The following DNAH3 variants were observed in gnomAD, a reference collection of about 807,000 sequenced individuals.
DNAH3 encodes the protein dynein axonemal heavy chain 3, also known as axonemal beta dynein heavy chain 3.
DNAH3 carries 332 observed loss-of-function variants against 432.5 expected under a neutral mutation model. The observed-to-expected ratio is 0.77, with a 90% CI of 0.70 to 0.84. DNAH3 has a LOEUF of 0.84. Among genes scored for constraint, DNAH3 ranks in the 40% least tolerant of loss-of-function variants. The pLI, the probability that DNAH3 is intolerant of heterozygous loss-of-function variation, is 0.00. For synonymous variants in DNAH3, 1,956 were observed against 1,900.2 expected (o/e 1.03, Z -0.76); for missense variants, 4,861 against 5,114.0 (o/e 0.95, Z 1.51).
intron 6 of DNAH3, among the ~76,000 whole-genome samples, chr16:21,135,989 G>A (rs556526105): frequency 3.7e-4 from 56 of 152,112 alleles, no homozygotes; most frequent in Admixed American, 6.5e-4. Flanking sequence ...AGGGATGCAC[G>A]TGAATATGTG....
chr16:20,938,394 T>TAA (rs5816142), intron 59 of DNAH3, among the ~76,000 whole-genome samples: 42 of 143,332 alleles, frequency 2.9e-4, no homozygotes, highest in Non-Finnish European at 4.4e-4. Flanking sequence ...CTGTCTCAAT[T>TAA]AAAAAAAAAA....
chr16:20,978,935 T>A (rs1184250920), intron 50 of DNAH3, among the ~76,000 whole-genome samples: 1 of 151,924 alleles, frequency 6.6e-6, no homozygotes, highest in African/African-American at 2.4e-5. Flanking sequence ...GAGATAAATT[T>A]GGGCCCAGAT....
chr16:21,117,273 C>T, exon 12 of DNAH3: 2 of 1,611,558 alleles, frequency 1.2e-6, no homozygotes, highest in Non-Finnish European at 1.7e-6. Flanking sequence ...ACAAGTTTTT[C>T]TTCTGCGTTA....
At chr16:20,987,958 C>G in exon 45 of DNAH3, 1 of 1,614,188 alleles carries the variant, frequency 6.2e-7, no homozygotes, top group East Asian at 2.2e-5. Flanking sequence ...AACATCACAT[C>G]AAACCCTTTC....
At chr16:21,104,723 G>T (rs2091909850) in intron 15 of DNAH3, 129 bp from the exon 16 acceptor site, 16 of 604,488 alleles carry the variant, frequency 2.6e-5, no homozygotes, top group Middle Eastern at 3.0e-4. Flanking sequence ...ACATGGATGA[G>T]TGACAGTGAC....
At chr16:21,155,825 C>T (rs947015505) in intron 1 of DNAH3, among the ~76,000 whole-genome samples, 4 of 152,008 alleles carry the variant, frequency 2.6e-5, no homozygotes, top group South Asian at 2.1e-4. Context: ...CTCTTGTTAT[C>T]AAGAGTTTAG....
At chr16:20,966,416 G>A (rs1360445561) in intron 52 of DNAH3, among the ~76,000 whole-genome samples, 1 of 152,070 alleles carries the variant, frequency 6.6e-6, no homozygotes, top group Admixed American at 6.6e-5. Context: ...CGTTTTAAAA[G>A]CCATTGCCAT....
rs574123353 is a variant in DNAH3, at chr16:20,979,455, G to T, written c.7951C>A (p.Pro2651Thr). ...AGAATCAATTCAAGGTAGGAGGTGG[G>T]GGTAACATAGTTGTGTCTTCGAAGT... The change falls in exon 50 of 62, where the codon CCC (proline) becomes ACC (threonine). Residue 2651 changes from proline to threonine, a missense_variant. Physicochemically the swap from Pro to Thr is conservative, Grantham distance 38. Transcript: ENST00000261383. 3.5e-4 allele frequency: 558 copies of T among 1,614,092 alleles called. 6 individuals are homozygous for T. In the South Asian group the frequency reaches 5.9e-3, roughly 17 times the overall value.
intron 49 of DNAH3, among the ~76,000 whole-genome samples, chr16:20,980,228 AT>A (rs1408803990): frequency 1.9e-5 from 2 of 103,112 alleles, no homozygotes; most frequent in African/African-American, 3.1e-5. Flanking sequence ...TATATTATTT[AT>A]TTATATTATA....
intron 41 of DNAH3, among the ~76,000 whole-genome samples, chr16:21,013,736 A>G (rs975837063): frequency 6.6e-6 from 1 of 151,416 alleles, no homozygotes. Flanking sequence ...AAAAAAAAAA[A>G]AAAACTAAAA....
At chr16:20,955,428 G>A (rs377528754) in intron 54 of DNAH3, among the ~76,000 whole-genome samples, 11 of 151,640 alleles carry the variant, frequency 7.3e-5, no homozygotes, top group African/African-American at 2.2e-4. Flanking sequence ...GAACCAAGAT[G>A]TGAACTCAGG....
Position 20,963,771 on chromosome 16 carries a change from T to C in DNAH3, c.10113A>G (p.Leu3371=), listed in dbSNP as rs772055579. The C allele has an allele frequency of 3.1e-6, 5 of 1,613,274 alleles. No individual in the cohort carries two copies. The South Asian group carries it at 4.4e-5, about 14-fold the overall frequency. Residue 3371 remains leucine, a synonymous_variant, in exon 53 of 62, where the codon CTA becomes CTG. Transcript: ENST00000261383. Reference sequence around the variant, plus strand: ...CGATGGTCAGGAGGAGAGAGAAGAGTAGCTTGTCCTTCTCAAACAGAGAAC... The same window carrying C: ...CGATGGTCAGGAGGAGAGAGAAGAGCAGCTTGTCCTTCTCAAACAGAGAAC...
Position 21,067,776 on chromosome 16 carries a change from G to GGAGAGA in DNAH3, c.3382-363_3382-358dup, listed in dbSNP as rs60889532. Among the ~76,000 whole-genome samples the GGAGAGA allele has an allele frequency of 4.8e-3, 198 of 40,890 alleles. 15 individuals are homozygous for GGAGAGA. The highest frequency in any genetic ancestry group is 0.014 in the African/African-American group (111 of 8,086). 26.8% of individuals were successfully genotyped at this position (40,890 alleles called of 152,430 possible). ...CAGTCTTGGGGGGGGGGGTGGGGAGGGAGAGAGAGAGAGAGAGAGAGAGAG... is the reference window on the plus strand; with the variant it reads ...CAGTCTTGGGGGGGGGGGTGGGGAGGGAGAGAGAGAGAGAGAGAGAGAGAGAGAGAG... On this transcript the variant is annotated intron_variant, in intron 23 of 61. Transcript: ENST00000261383.
intron 1 of DNAH3, among the ~76,000 whole-genome samples, chr16:21,152,129 G>T (rs552896618): frequency 1.8e-4 from 27 of 152,240 alleles, no homozygotes; most frequent in African/African-American, 6.5e-4. Flanking sequence ...AGCTACTTGG[G>T]GGGCTGAGGC....
intron 47 of DNAH3, 94 bp downstream of exon 47, chr16:20,987,211 G>A: frequency 6.8e-7 from 1 of 1,475,734 alleles, no homozygotes; most frequent in Non-Finnish European, 9.3e-7. Context: ...AGAGCTGGCA[G>A]TCTCCAACAG....
chr16:20,984,734 A>G (rs2010837), intron 48 of DNAH3, among the ~76,000 whole-genome samples: 10,059 of 152,092 alleles, frequency 0.066, 457 homozygotes, highest in East Asian at 0.12. Flanking sequence ...CAGGTGTGGT[A>G]CGCGCCTGCA....
chr16:21,154,120 G>A (rs531425041), intron 1 of DNAH3, among the ~76,000 whole-genome samples: 1 of 152,300 alleles, frequency 6.6e-6, no homozygotes, highest in East Asian at 1.9e-4. Flanking sequence ...AAATTAGAAT[G>A]GGGCCAGGCG....
chr16:20,967,425 C>T (rs186398010), intron 52 of DNAH3, among the ~76,000 whole-genome samples: 206 of 150,976 alleles, frequency 1.4e-3, no homozygotes, highest in African/African-American at 4.7e-3. Flanking sequence ...TAAAAAAAAT[C>T]CTAATGCTCA....
chr16:21,098,907 C>T, intron 16 of DNAH3, 138 bp from the exon 17 acceptor site: 1 of 802,744 alleles, frequency 1.2e-6, no homozygotes, highest in South Asian at 2.0e-5. Flanking sequence ...ATACTCCCAA[C>T]TCCATCTTTC....
Sources: allele counts gnomAD v4.1 joint callset (sites outside exome capture counted in the v4.1 genomes callset), GRCh38; gene constraint gnomAD v4.1.1; transcripts MANE v1.5; gene names NCBI Gene and HGNC (gene_info 2026-07-23, HGNC 2026-07-21).